Variants in DIAPH3 observed in about 807,000 individuals in gnomAD.
DIAPH3 encodes the protein diaphanous related formin 3.
A neutral mutation model predicts 144.3 loss-of-function variants in DIAPH3; 117 were observed. That is an observed-to-expected ratio of 0.81 (90% CI 0.70 to 0.95). DIAPH3 has a LOEUF of 0.95. DIAPH3 is among the 40% of genes least tolerant of loss of function. The pLI is 0.00. For missense variants in DIAPH3, 1,421 were observed against 1,412.7 expected (o/e 1.01, Z -0.09); for synonymous variants, 519 against 488.9 (o/e 1.06, Z -0.81).
At chr13:59,934,263 C>G (rs944680194) in intron 17 of DIAPH3, among the ~76,000 whole-genome samples, 2 of 151,898 alleles carry the variant, frequency 1.3e-5, no homozygotes, top group Non-Finnish European at 2.9e-5. Context: ...AAATATTAAG[C>G]CTTTTAAGTT....
intron 21 of DIAPH3, among the ~76,000 whole-genome samples, chr13:59,869,348 G>A (rs75486575): frequency 0.017 from 2,572 of 152,218 alleles, 66 homozygotes; most frequent in East Asian, 0.096. Flanking sequence ...TCCTCTTAGG[G>A]TCCTTGCTGG....
intron 1 of DIAPH3, among the ~76,000 whole-genome samples, chr13:60,145,563 T>C (rs1207197572): frequency 6.6e-6 from 1 of 152,148 alleles, no homozygotes; most frequent in African/African-American, 2.4e-5. Context: ...GGCAGGAGAA[T>C]GACGTGAACT....
chr13:59,891,127 A>G (rs1234140000), intron 20 of DIAPH3, among the ~76,000 whole-genome samples: 2 of 152,084 alleles, frequency 1.3e-5, no homozygotes, highest in African/African-American at 4.8e-5. Flanking sequence ...CTCAAACCTC[A>G]TAATGAGATT....
At chr13:59,991,984 T>G in intron 11 of DIAPH3, 84 bp downstream of exon 11, 2 of 1,037,580 alleles carry the variant, frequency 1.9e-6, no homozygotes, top group Non-Finnish European at 3.0e-6. Flanking sequence ...TATATAGAAA[T>G]GAGCTAAATA....
intron 3 of DIAPH3, among the ~76,000 whole-genome samples, chr13:60,094,980 A>G (rs2058062388): frequency 6.6e-6 from 1 of 152,156 alleles, no homozygotes; most frequent in Non-Finnish European, 1.5e-5. Context: ...AAGGCTCAAT[A>G]GGCCTTAATA....
chr13:59,981,394 A>T (rs2051005005), intron 13 of DIAPH3, among the ~76,000 whole-genome samples: 1 of 151,402 alleles, frequency 6.6e-6, no homozygotes, highest in Non-Finnish European at 1.5e-5. Context: ...TGCTGATGAA[A>T]AACTAGGCAA....
In DIAPH3 at chr13:59,665,915, T is replaced by C. The variant is rs2031984448; in HGVS notation, c.*669A>G. On this transcript the variant is annotated 3_prime_UTR_variant, in exon 28 of 28. Coordinates refer to ENST00000400324, the MANE Select transcript of DIAPH3 (RefSeq NM_001042517.2). ...TACATCCACGTTACACAAAAGCACA[T>C]GCATTTGGCAAAGAGAGTGCATACA... The C allele has an allele frequency of 6.6e-6, 1 of 152,320 alleles. No homozygotes were observed. Among genetic ancestry groups the C allele is most frequent in the Non-Finnish European group, 1.5e-5 (1 of 68,040 alleles). 9.4% of individuals were successfully genotyped at this position (152,320 alleles called of 1,614,324 possible). A position where few individuals can be genotyped will look rare whatever the true frequency, so the allele number is the denominator to read the frequency against.
In DIAPH3 at chr13:59,666,356, A is replaced by AC. The variant is rs1181288706; in HGVS notation, c.*227dup. 20 of 432,646 alleles carry AC rather than the reference A, an allele frequency of 4.6e-5. No homozygotes were observed. The South Asian group carries it at 6.1e-4, about 13-fold the overall frequency. The allele number at this position is 432,646 out of a possible 1,614,324, so 26.8% of individuals were successfully genotyped here. On this transcript the variant is annotated 3_prime_UTR_variant, in exon 28 of 28. Transcript: ENST00000400324. ...ATAAAGAACTGAGGAATACCAGGAG[A>AC]CAAAAAAAAAAAAAAAAGGATTAAA...
intron 5 of DIAPH3, among the ~76,000 whole-genome samples, chr13:60,027,701 A>G (rs545288832): frequency 3.3e-5 from 5 of 152,300 alleles, no homozygotes; most frequent in African/African-American, 7.2e-5. Context: ...TATTATAAAA[A>G]AGGAAATATC....
intron 21 of DIAPH3, among the ~76,000 whole-genome samples, chr13:59,868,905 T>C (rs1042877504): frequency 3.3e-5 from 5 of 152,216 alleles, no homozygotes; most frequent in Admixed American, 1.3e-4. Flanking sequence ...AAAGAGATCA[T>C]TTATTTTTAA....
At chr13:60,121,430 A>G (rs1411866562) in intron 2 of DIAPH3, among the ~76,000 whole-genome samples, 3 of 152,182 alleles carry the variant, frequency 2.0e-5, no homozygotes, top group African/African-American at 7.2e-5. Context: ...AAAAGGAGAA[A>G]GTAACTCAAG....
chr13:59,967,197 G>A (rs112499770), intron 17 of DIAPH3, among the ~76,000 whole-genome samples: 3 of 151,898 alleles, frequency 2.0e-5, no homozygotes, highest in African/African-American at 7.3e-5. Flanking sequence ...CTCCGGAGTA[G>A]CTGGGACTAC....
intron 1 of DIAPH3, 60 bp downstream of exon 1, chr13:60,163,527 C>A: frequency 6.3e-7 from 1 of 1,581,708 alleles, no homozygotes; most frequent in South Asian, 1.1e-5. Context: ...GGCCCACCCT[C>A]GGCAGTCAGC....
chr13:59,734,434 GT>G, intron 27 of DIAPH3, among the ~76,000 whole-genome samples: 1 of 152,140 alleles, frequency 6.6e-6, no homozygotes, highest in Non-Finnish European at 1.5e-5. Flanking sequence ...AAAAGTTAAA[GT>G]TTATGAATTA....
intron 1 of DIAPH3, among the ~76,000 whole-genome samples, chr13:60,146,494 G>C (rs1408173489): frequency 6.6e-6 from 1 of 152,192 alleles, no homozygotes; most frequent in East Asian, 1.9e-4. Flanking sequence ...AAGCAATGTG[G>C]GGAATTTGGA....
intron 20 of DIAPH3, among the ~76,000 whole-genome samples, chr13:59,884,982 A>G (rs867267976): frequency 2.0e-5 from 3 of 152,212 alleles, no homozygotes; most frequent in South Asian, 2.1e-4. Flanking sequence ...GGCTTGTACA[A>G]AAATATTAAA....
At chr13:59,725,000 AT>A (rs1160653937) in intron 27 of DIAPH3, among the ~76,000 whole-genome samples, 1 of 152,152 alleles carries the variant, frequency 6.6e-6, no homozygotes, top group Admixed American at 6.6e-5. Context: ...GTATCAAGCA[AT>A]TTACTGTTTT....
chr13:59,975,873 G>T (rs1037423641), intron 14 of DIAPH3, among the ~76,000 whole-genome samples: 1 of 151,740 alleles, frequency 6.6e-6, no homozygotes, highest in African/African-American at 2.4e-5. Context: ...AACTACTACG[G>T]CTCCTACAAA....
rs1019472911 is a variant in DIAPH3 at position 59,794,133 on chromosome 13, G to T, written c.3163+16655C>A. The stretch of plus-strand genomic sequence containing the variant: ...AGCTGTAGGCTACTATAAGTGTTCT[G>T]GAATGTTTTAGGTAGGCTAGGCTAA... On this transcript the variant is annotated intron_variant, in intron 25 of 27. Transcript: ENST00000400324. Among the ~76,000 whole-genome samples the T allele has an allele frequency of 2.6e-5, 4 of 152,290 alleles. 1 individual carries two copies. The South Asian group carries it at 8.3e-4, about 32-fold the overall frequency.
Sources: allele counts gnomAD v4.1 joint callset (sites outside exome capture counted in the v4.1 genomes callset), GRCh38; gene constraint gnomAD v4.1.1; transcripts MANE v1.5; gene names NCBI Gene and HGNC (gene_info 2026-07-23, HGNC 2026-07-21).